ORC3: variants seen among roughly 807,000 people sequenced by gnomAD.
The protein encoded by ORC3 is homolog of latheo, Drosophila.
A neutral mutation model predicts 100.7 loss-of-function variants in ORC3; 78 were observed. The ratio of observed to expected loss-of-function variants is 0.77; its 90% CI spans 0.65 to 0.94. The LOEUF (loss-of-function observed/expected upper bound fraction) is 0.94, where lower values mean the gene tolerates loss of function less well. ORC3 is among the 40% of genes least tolerant of loss of function. The pLI is 0.00. For synonymous variants in ORC3, 295 were observed against 289.3 expected (o/e 1.02, Z -0.20); for missense variants, 789 against 823.9 (o/e 0.96, Z 0.52).
chr6:87,598,188 AATTT>A (rs1777608854), intron 2 of ORC3, among the ~76,000 whole-genome samples: 1 of 151,704 alleles, frequency 6.6e-6, no homozygotes, highest in Non-Finnish European at 1.5e-5. Flanking sequence ...CTTGCTTGCT[AATTT>A]ATTTATTTTT....
chr6:87,622,393 G>A (rs1779599686), intron 11 of ORC3, among the ~76,000 whole-genome samples: 1 of 152,050 alleles, frequency 6.6e-6, no homozygotes, highest in South Asian at 2.1e-4. Context: ...TAGAAGCCAG[G>A]CAGCTTAGGC....
intron 13 of ORC3, among the ~76,000 whole-genome samples, chr6:87,644,454 C>T (rs563581476): frequency 6.6e-6 from 1 of 152,028 alleles, no homozygotes; most frequent in Admixed American, 6.5e-5. Context: ...TGCCTATAAT[C>T]CCAGCACTTT....
intron 7 of ORC3, 130 bp downstream of exon 7, chr6:87,609,359 T>G (rs1236992405): frequency 3.2e-6 from 2 of 632,714 alleles, no homozygotes; most frequent in Admixed American, 3.7e-5. Flanking sequence ...TTCTTTATAA[T>G]TGAATATTCA....
At chr6:87,634,059 A>G (rs1192709724) in intron 11 of ORC3, among the ~76,000 whole-genome samples, 4 of 151,962 alleles carry the variant, frequency 2.6e-5, no homozygotes, top group Non-Finnish European at 5.9e-5. Flanking sequence ...TTGCTCACCC[A>G]GGTCTTAAAC....
chr6:87,592,417 G>A (rs1243109852), intron 1 of ORC3, among the ~76,000 whole-genome samples: 1 of 151,478 alleles, frequency 6.6e-6, no homozygotes, highest in Non-Finnish European at 1.5e-5. Flanking sequence ...GATCATCTGA[G>A]GTCAGGAGTT....
At chr6:87,632,011 A>C (rs1275083862) in intron 11 of ORC3, among the ~76,000 whole-genome samples, 1 of 152,014 alleles carries the variant, frequency 6.6e-6, no homozygotes, top group Non-Finnish European at 1.5e-5. Flanking sequence ...AAAAATACAA[A>C]AAATTAACCA....
intron 13 of ORC3, among the ~76,000 whole-genome samples, chr6:87,646,018 GC>G (rs1276541235): frequency 8.5e-6 from 1 of 117,996 alleles, no homozygotes; most frequent in African/African-American, 3.5e-5. Context: ...GCGGAGTCTT[GC>G]GCTGTTGCCC....
chr6:87,651,940 C>G (rs1769303087), intron 13 of ORC3, among the ~76,000 whole-genome samples: 1 of 151,274 alleles, frequency 6.6e-6, no homozygotes, highest in African/African-American at 2.4e-5. Flanking sequence ...ACTCTGTTGC[C>G]CAGGCTGGAG....
At chr6:87,670,228 C>T (rs111275949), downstream of ORC3, among the ~76,000 whole-genome samples, 2,489 of 152,216 alleles carry the variant, frequency 0.016, 73 homozygotes, top group African/African-American at 0.055. Flanking sequence ...TGCAGTGACA[C>T]GATTTGGGCT....
At position 87,612,260 on chromosome 6, in the gene ORC3, A is replaced by G. The variant is rs754298371; in HGVS notation, c.873+12A>G. ...CGGTACTCGATAAGGTAAAAAGAAT[A>G]AGTTTTACCAGTGAAATAGGATGAA... On this transcript the variant is annotated intron_variant, in intron 8 of 19. Coordinates refer to ENST00000392844, the MANE Select transcript of ORC3 (RefSeq NM_012381.4). The G allele has an allele frequency of 3.2e-6, 5 of 1,570,552 alleles. No homozygotes were observed. The East Asian group carries it at 9.1e-5, about 28-fold the overall frequency.
intron 11 of ORC3, among the ~76,000 whole-genome samples, chr6:87,627,815 A>G (rs751871784): frequency 3.5e-4 from 54 of 152,138 alleles, no homozygotes; most frequent in Non-Finnish European, 6.8e-4. Context: ...TATAACTGGA[A>G]ACCACACTTC....
intron 3 of ORC3, among the ~76,000 whole-genome samples, chr6:87,602,959 A>ATATATATATATATATG (rs1562322702): frequency 3.7e-5 from 2 of 53,342 alleles, no homozygotes; most frequent in Non-Finnish European, 7.3e-5. Context: ...TATATAATAT[A>ATATATATATATATATG]TATATATATA....
chr6:87,652,369 A>G (rs552720126), intron 13 of ORC3, among the ~76,000 whole-genome samples: 4 of 152,356 alleles, frequency 2.6e-5, no homozygotes, highest in African/African-American at 9.6e-5. Flanking sequence ...TCCAAGAACA[A>G]GATCCTAACT....
chr6:87,634,791 T>G, intron 11 of ORC3, 54 bp from the exon 12 acceptor site: 1 of 873,378 alleles, frequency 1.1e-6, no homozygotes, highest in Non-Finnish European at 1.9e-6. Flanking sequence ...ATTGTATTAT[T>G]ATGCTCTTTT....
chr6:87,606,210 G>C lies in ORC3; in HGVS notation c.427+189G>C, dbSNP rs556872103. Among the ~76,000 whole-genome samples, 27 of 152,082 alleles carry C rather than the reference G, an allele frequency of 1.8e-4. 1 individual carries two copies. The highest frequency in any genetic ancestry group is 1.8e-3 in the Admixed American group (27 of 15,266). On this transcript the variant is annotated intron_variant, in intron 5 of 19. Coordinates refer to ENST00000392844, the MANE Select transcript of ORC3 (RefSeq NM_012381.4). ...TTACAGAACTCTGCCTTCTTTTGCTGTCTTTGTTCTTGACCCATTTCTGCC... is the reference window on the plus strand; with the variant it reads ...TTACAGAACTCTGCCTTCTTTTGCTCTCTTTGTTCTTGACCCATTTCTGCC...
intron 1 of ORC3, among the ~76,000 whole-genome samples, chr6:87,591,793 G>A (rs1467527145): frequency 1.3e-5 from 2 of 151,570 alleles, no homozygotes; most frequent in Non-Finnish European, 2.9e-5. Flanking sequence ...GTGCAGTGGC[G>A]CGATCTCGGC....
intron 7 of ORC3, 71 bp downstream of exon 7, chr6:87,609,300 G>A (rs1443403401): frequency 2.8e-6 from 3 of 1,054,846 alleles, no homozygotes; most frequent in Non-Finnish European, 4.0e-6. Flanking sequence ...AACTTGAAAA[G>A]TATAATCTTC....
intron 5 of ORC3, 78 bp from the exon 6 acceptor site, chr6:87,607,595 C>G (rs1778435757): frequency 8.5e-7 from 1 of 1,177,228 alleles, no homozygotes. Context: ...GTAATACACT[C>G]AGCAAGAAGT....
At chr6:87,599,345 C>T (rs942788236) in intron 2 of ORC3, among the ~76,000 whole-genome samples, 127 of 139,812 alleles carry the variant, frequency 9.1e-4, no homozygotes, top group Admixed American at 1.8e-3. Context: ...TGCTTTGTCT[C>T]TTTTTTTTAT....
Sources: gnomAD v4.1 joint callset for allele counts (sites outside exome capture counted in the v4.1 genomes callset) on GRCh38, gnomAD v4.1.1 for gene constraint, MANE v1.5 for transcripts, NCBI Gene and HGNC (gene_info 2026-07-23, HGNC 2026-07-21) for gene names.